The following AFF3 variants were observed in gnomAD, a reference collection of about 807,000 sequenced individuals.
The protein encoded by AFF3 is ALF transcription elongation factor 3.
Under a neutral mutation model 129.7 loss-of-function variants are expected in AFF3, and 32 were observed. That is an observed-to-expected ratio of 0.25 (90% confidence interval 0.19 to 0.33). The LOEUF is 0.33. Ranked by LOEUF, AFF3 falls within the 10% of genes least tolerant of loss-of-function variation. The pLI is 1.00. For synonymous variants in AFF3, 644 were observed against 635.4 expected, an observed-to-expected ratio of 1.01 and a Z score of -0.20; for missense variants, 1,373 against 1,592.0, an observed-to-expected ratio of 0.86 and a Z score of 2.34.
chr2:99,583,027 T>A, intron 16 of AFF3, 28 bp from the exon 17 acceptor site: 2 of 1,601,320 alleles, frequency 1.2e-6, no homozygotes, highest in Non-Finnish European at 1.7e-6. Context: ...GGTAATGGAA[T>A]GTTACAGAGT....
intron 10 of AFF3, among the ~76,000 whole-genome samples, chr2:99,734,188 T>C (rs926731394): frequency 6.6e-6 from 1 of 152,216 alleles, no homozygotes; most frequent in African/African-American, 2.4e-5. Context: ...TTTATACTAA[T>C]ATTAAAAGTT....
intron 17 of AFF3, among the ~76,000 whole-genome samples, chr2:99,581,992 C>A (rs369325200): frequency 6.3e-4 from 95 of 151,298 alleles, no homozygotes; most frequent in African/African-American, 2.2e-3. Context: ...ATAGCTGGGA[C>A]TACAGGCGCC....
chr2:99,824,632 T>C (rs1371998284), intron 8 of AFF3, among the ~76,000 whole-genome samples: 1 of 152,208 alleles, frequency 6.6e-6, no homozygotes, highest in African/African-American at 2.4e-5. Context: ...AGTGTGTGTA[T>C]GGGAGTTATG....
chr2:99,665,079 G>C (rs1288741123), intron 12 of AFF3, among the ~76,000 whole-genome samples: 1 of 152,234 alleles, frequency 6.6e-6, no homozygotes, highest in African/African-American at 2.4e-5. Flanking sequence ...TGCAGGAGCT[G>C]GGAGAAGGGC....
chr2:100,039,152 C>G (rs1434140736), intron 4 of AFF3, among the ~76,000 whole-genome samples: 1 of 152,220 alleles, frequency 6.6e-6, no homozygotes, highest in Non-Finnish European at 1.5e-5. Flanking sequence ...TTCACTATAT[C>G]TCTTTCATCC....
chr2:99,609,269 G>A (rs1680684236), intron 13 of AFF3, among the ~76,000 whole-genome samples: 1 of 151,836 alleles, frequency 6.6e-6, no homozygotes, highest in African/African-American at 2.4e-5. Context: ...GGGAATAGGT[G>A]GCATTTGGTT....
intron 7 of AFF3, among the ~76,000 whole-genome samples, chr2:99,983,032 A>T (rs1048884020): frequency 6.6e-6 from 1 of 152,234 alleles, no homozygotes; most frequent in African/African-American, 2.4e-5. Flanking sequence ...TATAATCCAT[A>T]CATAGTTTAA....
At chr2:100,033,791 G>A (rs555838379) in intron 4 of AFF3, among the ~76,000 whole-genome samples, 101 of 152,158 alleles carry the variant, frequency 6.6e-4, no homozygotes, top group Non-Finnish European at 1.2e-3. Flanking sequence ...ATAATACAAT[G>A]TTCCACATAA....
chr2:99,551,925 TCGTCC>T (rs1357312879), intron 24 of AFF3, among the ~76,000 whole-genome samples: 1 of 152,232 alleles, frequency 6.6e-6, no homozygotes, highest in East Asian at 1.9e-4. Flanking sequence ...CGTGGCTCTG[TCGTCC>T]CTCACCCTGT....
intron 4 of AFF3, among the ~76,000 whole-genome samples, chr2:100,072,632 G>A (rs1037088963): frequency 6.6e-6 from 1 of 152,108 alleles, no homozygotes; most frequent in African/African-American, 2.4e-5. Flanking sequence ...AGACCAAGAA[G>A]GGAGGTGCTC....
intron 7 of AFF3, among the ~76,000 whole-genome samples, chr2:99,949,162 T>C (rs1044263919): frequency 6.6e-6 from 1 of 152,122 alleles, no homozygotes; most frequent in Non-Finnish European, 1.5e-5. Flanking sequence ...AATGGAAAAA[T>C]AATATTACCA....
At chr2:99,606,152 C>A (rs1216483997) in intron 13 of AFF3, among the ~76,000 whole-genome samples, 1 of 133,242 alleles carries the variant, frequency 7.5e-6, no homozygotes. Flanking sequence ...CTGGCATGTG[C>A]CTGTGGTCCC....
intron 11 of AFF3, among the ~76,000 whole-genome samples, chr2:99,719,340 C>G (rs1440746006): frequency 2.0e-5 from 3 of 152,088 alleles, no homozygotes; most frequent in African/African-American, 7.2e-5. Flanking sequence ...GTCACTGAAT[C>G]AGATATGCTA....
At position 99,890,869 on chromosome 2, in the gene AFF3, C is replaced by T. The variant is rs903709375; in HGVS notation, c.874-53345G>A. On this transcript the variant is annotated intron_variant, in intron 7 of 24. Transcript: ENST00000672756. ...CCTTGCTCACTGGGGCCTGCCTTCC[C>T]CAGGCTGGTGTCTTCTGATAGCCAA... 2.0e-5 allele frequency among the ~76,000 whole-genome samples: 3 copies of T among 152,196 alleles called. No individual in the cohort carries two copies. The South Asian group carries it at 6.2e-4, about 32-fold the overall frequency.
At chr2:99,715,750 C>T (rs960302717) in intron 11 of AFF3, among the ~76,000 whole-genome samples, 3 of 151,388 alleles carry the variant, frequency 2.0e-5, no homozygotes, top group African/African-American at 7.3e-5. Flanking sequence ...CAGCTCACTG[C>T]AAGCTCCGCC....
chr2:99,907,554 T>C (rs1694803600), intron 7 of AFF3, among the ~76,000 whole-genome samples: 1 of 152,094 alleles, frequency 6.6e-6, no homozygotes, highest in African/African-American at 2.4e-5. Context: ...TTTTTTTTTT[T>C]TCTCATTCAA....
At chr2:99,950,441 T>C (rs1447351549) in intron 7 of AFF3, among the ~76,000 whole-genome samples, 2 of 152,168 alleles carry the variant, frequency 1.3e-5, no homozygotes, top group Non-Finnish European at 2.9e-5. Flanking sequence ...AATCTGAACA[T>C]TCTCTGGTGA....
chr2:99,613,963 C>G (rs531903777), intron 13 of AFF3, among the ~76,000 whole-genome samples: 1 of 152,094 alleles, frequency 6.6e-6, no homozygotes, highest in Non-Finnish European at 1.5e-5. Context: ...CACTTAGGTC[C>G]AAAAATAAAC....
At position 99,586,688 on chromosome 2, in the gene AFF3, C is replaced by T. The variant is rs146713781; in HGVS notation, c.2591+466G>A. On this transcript the variant is annotated intron_variant, in intron 16 of 24. Transcript: ENST00000672756. ...CTCTTGAGAGGAGTGTGTGGGTGGC[C>T]ATTTAACCTTGGGAGCACGGACCCT... 1.7e-4 allele frequency among the ~76,000 whole-genome samples: 26 copies of T among 152,206 alleles called. No individual in the cohort carries two copies. The East Asian group carries it at 5.0e-3, about 29-fold the overall frequency.
Sources: gnomAD v4.1 joint callset for allele counts (sites outside exome capture counted in the v4.1 genomes callset) on GRCh38, gnomAD v4.1.1 for gene constraint, MANE v1.5 for transcripts, NCBI Gene and HGNC (gene_info 2026-07-23, HGNC 2026-07-21) for gene names.